FAM193A: variants seen among roughly 807,000 people sequenced by gnomAD.
FAM193A encodes protein FAM193A.
A neutral mutation model predicts 126.5 loss-of-function variants in FAM193A; 22 were observed. That is an observed-to-expected ratio of 0.17 (90% CI 0.12 to 0.25). The LOEUF (loss-of-function observed/expected upper bound fraction) is 0.25, where lower values mean the gene tolerates loss of function less well. FAM193A is among the 10% of genes least tolerant of loss of function. The pLI is 1.00. For missense variants in FAM193A, 1,675 were observed against 1,672.8 expected, an observed-to-expected ratio of 1.00 and a Z score of -0.02; for synonymous variants, 761 against 646.8, an observed-to-expected ratio of 1.18 and a Z score of -2.68.
chr4:2,608,086 C>G, intron 2 of FAM193A: 3 of 1,609,798 alleles, frequency 1.9e-6, no homozygotes, highest in Admixed American at 3.3e-5. Flanking sequence ...GCCTGATTCA[C>G]TCCCAGATTA....
intron 1 of FAM193A, among the ~76,000 whole-genome samples, chr4:2,587,199 G>A (rs1740283879): frequency 1.3e-5 from 2 of 152,120 alleles, no homozygotes; most frequent in Non-Finnish European, 1.5e-5. Flanking sequence ...TTCCACTTAC[G>A]GCACAAGGTG....
At chr4:2,719,287 G>C (rs1157031288) in intron 20 of FAM193A, among the ~76,000 whole-genome samples, 1 of 152,124 alleles carries the variant, frequency 6.6e-6, no homozygotes, top group Non-Finnish European at 1.5e-5. Context: ...TCCAATCTGG[G>C]CAACTAGAGC....
chr4:2,699,843 T>G lies in FAM193A; in HGVS notation c.3671T>G (p.Val1224Gly), dbSNP rs1717497235. 1 of 1,613,588 alleles carries G rather than the reference T, an allele frequency of 6.2e-7. No homozygotes were observed. The highest frequency in any genetic ancestry group is 8.5e-7 in the Non-Finnish European group (1 of 1,179,874). The change falls in exon 19 of 21, where the codon GTA becomes GGA. Residue 1224 changes from valine (V) to glycine (G), a missense_variant. Transcript: ENST00000637812. ...CAGGAGCTTCAGAAGCTAAGAGCTG[T>G]AAAAAAGAAGAAGAAGGAGAGGCCA... ...RLQELQKLRA[V>G]KKKKKERPSK... is the part of the protein sequence containing the mutation.
chr4:2,723,875 C>T (rs1720438408), intron 20 of FAM193A, among the ~76,000 whole-genome samples: 1 of 152,120 alleles, frequency 6.6e-6, no homozygotes, highest in African/African-American at 2.4e-5. Context: ...AATCACGGCT[C>T]ACTGCAGCCT....
intron 20 of FAM193A, among the ~76,000 whole-genome samples, chr4:2,723,329 A>T (rs1034031075): frequency 2.0e-5 from 3 of 151,574 alleles, no homozygotes; most frequent in Non-Finnish European, 4.4e-5. Context: ...CTGTAATCCC[A>T]CTTTGGGAGG....
At chr4:2,541,014 T>C (rs1023350950) in intron 1 of FAM193A, among the ~76,000 whole-genome samples, 5 of 149,518 alleles carry the variant, frequency 3.3e-5, no homozygotes, top group Non-Finnish European at 7.4e-5. Context: ...CTGACACCTA[T>C]AATCCTAGCA....
chr4:2,662,339 G>A (rs1477899447), intron 10 of FAM193A, among the ~76,000 whole-genome samples: 1 of 152,146 alleles, frequency 6.6e-6, no homozygotes, highest in Non-Finnish European at 1.5e-5. Flanking sequence ...TTACATAAGT[G>A]CCTTTAAAGT....
chr4:2,562,946 C>T (rs561787509), intron 1 of FAM193A, among the ~76,000 whole-genome samples: 7 of 145,398 alleles, frequency 4.8e-5, no homozygotes. Flanking sequence ...TTCTTTCTTT[C>T]TTTTTTTTGT....
chr4:2,607,920 A>T, intron 2 of FAM193A: 1 of 1,174,890 alleles, frequency 8.5e-7, no homozygotes, highest in Non-Finnish European at 1.2e-6. Flanking sequence ...TCACTATGTG[A>T]TGGTGTCGCT....
intron 5 of FAM193A, among the ~76,000 whole-genome samples, chr4:2,638,757 T>C (rs149468477): frequency 5.9e-5 from 9 of 152,324 alleles, no homozygotes; most frequent in African/African-American, 2.2e-4. Flanking sequence ...TCAGCCCCCA[T>C]ACCAACTAGG....
At chr4:2,619,735 G>A (rs1038232729) in intron 2 of FAM193A, among the ~76,000 whole-genome samples, 1 of 151,998 alleles carries the variant, frequency 6.6e-6, no homozygotes, top group African/African-American at 2.4e-5. Flanking sequence ...ACCCAGGCTG[G>A]AGTGCAGTGG....
At chr4:2,725,862 C>T (rs1324906769) in intron 20 of FAM193A, among the ~76,000 whole-genome samples, 1 of 151,972 alleles carries the variant, frequency 6.6e-6, no homozygotes, top group Non-Finnish European at 1.5e-5. Flanking sequence ...CAGGCGTGGG[C>T]CACCAATCTC....
chr4:2,581,440 A>T (rs1051477836), intron 1 of FAM193A, among the ~76,000 whole-genome samples: 5 of 151,478 alleles, frequency 3.3e-5, no homozygotes, highest in Non-Finnish European at 2.9e-5. Flanking sequence ...ATTTTAGTAC[A>T]GATGGGGTTT....
intron 2 of FAM193A, among the ~76,000 whole-genome samples, chr4:2,613,834 T>C: frequency 6.6e-6 from 1 of 150,730 alleles, no homozygotes; most frequent in East Asian, 2.0e-4. Context: ...TGGCACAATC[T>C]TGGCTCACTG....
At chr4:2,591,640 T>A in intron 1 of FAM193A, among the ~76,000 whole-genome samples, 1 of 152,350 alleles carries the variant, frequency 6.6e-6, no homozygotes, top group South Asian at 2.1e-4. Flanking sequence ...TTTTTCTTCA[T>A]GTTTATAAGA....
intron 14 of FAM193A, 72 bp downstream of exon 14, chr4:2,689,776 C>G (rs940254253): frequency 1.8e-6 from 2 of 1,107,414 alleles, no homozygotes; most frequent in East Asian, 5.4e-5. Context: ...GCCGTAGTCT[C>G]CCGTGGAAGC....
intron 2 of FAM193A, among the ~76,000 whole-genome samples, chr4:2,616,632 T>C (rs780512555): frequency 1.3e-5 from 2 of 151,746 alleles, no homozygotes; most frequent in African/African-American, 2.4e-5. Context: ...TGATCTCTGC[T>C]CACTGCAAGC....
intron 1 of FAM193A, among the ~76,000 whole-genome samples, chr4:2,593,636 G>A (rs1358823228): frequency 6.6e-6 from 1 of 152,174 alleles, no homozygotes; most frequent in African/African-American, 2.4e-5. Context: ...AATCCTGGAT[G>A]ACTGGTGAAT....
chr4:2,570,858 C>G (rs376097741), intron 1 of FAM193A, among the ~76,000 whole-genome samples: 2 of 152,200 alleles, frequency 1.3e-5, no homozygotes, highest in East Asian at 3.8e-4. Context: ...GGGCCTTACT[C>G]AGGTGGTCAT....
Sources: gnomAD v4.1 joint callset for allele counts (sites outside exome capture counted in the v4.1 genomes callset) on GRCh38, gnomAD v4.1.1 for gene constraint, MANE v1.5 for transcripts, NCBI Gene and HGNC (gene_info 2026-07-23, HGNC 2026-07-21) for gene names.